Variants in MYPN observed in about 807,000 individuals in gnomAD.
MYPN encodes the protein myopalladin, also known as sarcomeric protein myopalladin, 145 kDa (MYOP).
A neutral mutation model predicts 129.4 loss-of-function variants in MYPN; 63 were observed. That is an observed-to-expected ratio of 0.49 (90% confidence interval 0.40 to 0.60). The LOEUF (loss-of-function observed/expected upper bound fraction) is 0.60. Ranked by LOEUF, MYPN falls within the 20% of genes least tolerant of loss-of-function variation. The pLI is 0.00. For synonymous variants in MYPN, 629 were observed against 600.9 expected (o/e 1.05, Z -0.68); for missense variants, 1,596 against 1,635.4 (o/e 0.98, Z 0.42).
At chr10:68,123,585 C>A (rs530015203) in intron 2 of MYPN, among the ~76,000 whole-genome samples, 1 of 149,704 alleles carries the variant, frequency 6.7e-6, no homozygotes, top group African/African-American at 2.5e-5. Context: ...ACTTGAGAGG[C>A]TGAGGCAGGA....
At chr10:68,197,267 G>T (rs2043623958) in intron 15 of MYPN, 85 bp from the exon 16 acceptor site, 2 of 1,529,952 alleles carry the variant, frequency 1.3e-6, no homozygotes, top group Admixed American at 1.7e-5. Flanking sequence ...TGTTCTCTAG[G>T]TCTGTAGCCA....
intron 2 of MYPN, among the ~76,000 whole-genome samples, chr10:68,137,694 G>A (rs147287323): frequency 8.6e-4 from 130 of 151,990 alleles, no homozygotes; most frequent in African/African-American, 3.0e-3. Context: ...GAGAATACAA[G>A]TTTTCCAAAC....
intron 2 of MYPN, chr10:68,136,142 TAA>T (rs2042484064): frequency 6.3e-6 from 5 of 799,714 alleles, no homozygotes; most frequent in Non-Finnish European, 7.6e-6. Flanking sequence ...AGAATGGTGA[TAA>T]AGAGCCAAAA....
chr10:68,187,245 G>A (rs756197440), intron 12 of MYPN, among the ~76,000 whole-genome samples: 1 of 149,728 alleles, frequency 6.7e-6, no homozygotes, highest in African/African-American at 2.5e-5. Flanking sequence ...GGCAGAGGGC[G>A]CCTGTAATCC....
At chr10:68,209,313 T>C (rs2043867209) in intron 19 of MYPN, among the ~76,000 whole-genome samples, 1 of 152,216 alleles carries the variant, frequency 6.6e-6, no homozygotes, top group African/African-American at 2.4e-5. Context: ...ACAGCAGCAC[T>C]TGGTGAACAT....
intron 19 of MYPN, among the ~76,000 whole-genome samples, chr10:68,210,082 T>C (rs2043883425): frequency 6.6e-6 from 1 of 152,224 alleles, no homozygotes; most frequent in Admixed American, 6.5e-5. Context: ...GGGCTTAAGA[T>C]ATCACCAGCA....
rs1203896131 is a variant in MYPN, at chr10:68,189,057, G to A, written c.2856G>A (p.Lys952=). 1 of 1,614,120 alleles carries A rather than the reference G, an allele frequency of 6.2e-7. No individual in the cohort carries two copies. Among genetic ancestry groups the A allele is most frequent in the South Asian group, 1.1e-5 (1 of 91,080 alleles). ...CIAPIFDKRL[K]HFRVTEGSPV... ...CTCCCATCTTTGACAAGAGACTCAAGCACTTCCGGGTCACAGAAGGCTCTC... is the reference window on the plus strand; with the variant it reads ...CTCCCATCTTTGACAAGAGACTCAAACACTTCCGGGTCACAGAAGGCTCTC... The change falls in exon 13 of 20, where the codon AAG becomes AAA. Residue 952 remains lysine (K), a synonymous_variant. Coordinates refer to ENST00000358913, the MANE Select transcript of MYPN (RefSeq NM_032578.4).
chr10:68,185,666 A>T (rs2043408973), intron 12 of MYPN, among the ~76,000 whole-genome samples: 1 of 152,232 alleles, frequency 6.6e-6, no homozygotes, highest in Non-Finnish European at 1.5e-5. Flanking sequence ...TAATTTGAAA[A>T]TAGTAAATAA....
intron 6 of MYPN, among the ~76,000 whole-genome samples, chr10:68,154,317 C>T (rs1319693116): frequency 6.6e-6 from 1 of 152,262 alleles, no homozygotes; most frequent in African/African-American, 2.4e-5. Context: ...CTCTGGCAGG[C>T]TTTCAAGGCT....
intron 2 of MYPN, among the ~76,000 whole-genome samples, chr10:68,134,962 A>T (rs965402032): frequency 1.3e-5 from 2 of 151,296 alleles, no homozygotes; most frequent in Non-Finnish European, 2.9e-5. Flanking sequence ...TTATTTTATT[A>T]TTTTTTTTGA....
rs1064797004 is a variant in MYPN, at chr10:68,174,151, G to C, written c.2059G>C (p.Glu687Gln). ...AAACCCACCTCCTTCATCTCCTAAGGAGTTTCCTTTCAGCATGACTGTTTT... is the reference window on the plus strand; with the variant it reads ...AAACCCACCTCCTTCATCTCCTAAGCAGTTTCCTTTCAGCATGACTGTTTT... ...LQNPPPSSPK[E>Q]FPFSMTVLNS... The change falls in exon 11 of 20, where the codon GAG (glutamate) becomes CAG (glutamine). Residue 687 changes from glutamate to glutamine, a missense_variant. Glu to Gln is a conservative substitution (Grantham distance 29, BLOSUM62 2). Coordinates refer to ENST00000358913, the MANE Select transcript of MYPN (RefSeq NM_032578.4). The C allele has an allele frequency of 6.2e-7, 1 of 1,613,966 alleles. No homozygotes were observed. The highest frequency in any genetic ancestry group is 1.3e-5 in the African/African-American group (1 of 75,002).
rs199476410 is a variant in MYPN, at chr10:68,174,613, C to A, written c.2521C>A (p.Pro841Thr). The A allele has an allele frequency of 6.2e-7, 1 of 1,614,148 alleles. No homozygotes were observed. The highest frequency in any genetic ancestry group is 8.5e-7 in the Non-Finnish European group (1 of 1,180,014). Residue 841 changes from proline to threonine, a missense_variant, in exon 11 of 20, where the codon CCA (proline) becomes ACA (threonine). Coordinates refer to ENST00000358913, the MANE Select transcript of MYPN (RefSeq NM_032578.4). ...TGTTCTGCCTTCTCTCCCTGCCATC[C>A]CACCCACAAATGCCATGGGGCTGCC... ...SSVLPSLPAI[P>T]PTNAMGLPRS...
Position 68,138,553 on chromosome 10 carries a change from A to T in MYPN, c.903-4387A>T, listed in dbSNP as rs1186255977. On this transcript the variant is annotated intron_variant, in intron 2 of 19. Transcript: ENST00000358913. ...GACCCACTGTGGCTTTTGCACCATC[A>T]GTGTAAATGTCAATACAATGAAAAG... 2.6e-5 allele frequency among the ~76,000 whole-genome samples: 4 copies of T among 152,176 alleles called. No individual in the cohort carries two copies. The South Asian group carries it at 8.3e-4, about 32-fold the overall frequency.
intron 12 of MYPN, among the ~76,000 whole-genome samples, chr10:68,179,759 C>T (rs1467294446): frequency 6.6e-6 from 1 of 152,018 alleles, no homozygotes; most frequent in Non-Finnish European, 1.5e-5. Flanking sequence ...TTCTCGGGCT[C>T]AAGTGATCCT....
intron 12 of MYPN, among the ~76,000 whole-genome samples, chr10:68,177,603 T>C (rs2043247867): frequency 6.6e-6 from 1 of 152,184 alleles, no homozygotes; most frequent in African/African-American, 2.4e-5. Context: ...TGAAGAACTG[T>C]CTAAAATATA....
intron 2 of MYPN, among the ~76,000 whole-genome samples, chr10:68,134,664 G>A (rs1390467051): frequency 6.6e-6 from 1 of 152,022 alleles, no homozygotes. Flanking sequence ...GCATGTTGGT[G>A]TGCTCCTGTA....
At position 68,167,053 on chromosome 10, in the gene MYPN, G is replaced by A. The variant is rs1012885688; in HGVS notation, c.1973+387G>A. On this transcript the variant is annotated intron_variant, in intron 10 of 19. Coordinates refer to ENST00000358913, the MANE Select transcript of MYPN (RefSeq NM_032578.4). ...GACTTGTCCAGGAAAAAAAAAGATG[G>A]AACCAAAAAGGGGAATTCCCAAATG... Among the ~76,000 whole-genome samples, 3 of 151,926 alleles carry A rather than the reference G, an allele frequency of 2.0e-5. No individual in the cohort carries two copies. The South Asian group carries it at 6.2e-4, about 32-fold the overall frequency.
At chr10:68,196,787 C>G (rs1316003037) in intron 15 of MYPN, among the ~76,000 whole-genome samples, 1 of 151,980 alleles carries the variant, frequency 6.6e-6, no homozygotes, top group Non-Finnish European at 1.5e-5. Flanking sequence ...ACCTGGCCCC[C>G]TCTCCCTTTG....
intron 1 of MYPN, among the ~76,000 whole-genome samples, chr10:68,111,188 GT>G (rs1344519772): frequency 6.6e-6 from 1 of 152,160 alleles, no homozygotes; most frequent in East Asian, 1.9e-4. Flanking sequence ...CATAGTGGTA[GT>G]TTTTGCAAAT....
Sources: gnomAD v4.1 joint callset for allele counts (sites outside exome capture counted in the v4.1 genomes callset) on GRCh38, gnomAD v4.1.1 for gene constraint, MANE v1.5 for transcripts, NCBI Gene and HGNC (gene_info 2026-07-23, HGNC 2026-07-21) for gene names.